The following TAP2 variants were observed in gnomAD, a reference collection of about 807,000 sequenced individuals.
The protein encoded by TAP2 is antigen peptide transporter 2.
A neutral mutation model predicts 74.7 loss-of-function variants in TAP2; 49 were observed. That is an observed-to-expected ratio of 0.66 (90% CI 0.52 to 0.83). The LOEUF is 0.83. Ranked by LOEUF, TAP2 falls within the 40% of genes least tolerant of loss-of-function variation. The pLI is 0.00. For missense variants in TAP2, 739 were observed against 859.0 expected, an observed-to-expected ratio of 0.86 and a Z score of 1.75; for synonymous variants, 306 against 368.4, an observed-to-expected ratio of 0.83 and a Z score of 1.94.
chr6:32,835,364 G>A lies in TAP2; in HGVS notation c.740-5C>T. 6.2e-7 allele frequency: 1 copy of A among 1,613,068 alleles called. No individual in the cohort carries two copies. Among genetic ancestry groups the A allele is most frequent in the Non-Finnish European group, 8.5e-7 (1 of 1,180,020 alleles). ...TCAGCCGTGAGTTCAGCTCCCCTAA[G>A]AAGGACAGAGCAGGTGAGGAAAAAG... is the stretch of plus-strand genomic sequence containing the variant. On this transcript the variant is annotated splice_region_variant and splice_polypyrimidine_tract_variant and intron_variant, in intron 4 of 11. Coordinates refer to ENST00000374897, the MANE Select transcript of TAP2 (RefSeq NM_001290043.2). The surrounding 1 kb of genome is among the most constrained non-coding windows in gnomAD (Gnocchi z 4.0).
Position 32,828,934 on chromosome 6 carries a change from C to T in TAP2, c.2033G>A (p.Gly678Asp), listed in dbSNP as rs1311013368. The T allele has an allele frequency of 1.3e-6, 2 of 1,546,120 alleles. No individual in the cohort carries two copies. Among genetic ancestry groups the T allele is most frequent in the East Asian group, 4.9e-5 (2 of 40,906 alleles). Residue 678 changes from glycine to aspartate, a missense_variant, in exon 12 of 12, where the codon GGC (glycine) becomes GAC (aspartate). By Grantham distance (94) the Gly-to-Asp change is moderately conservative (BLOSUM62 -1). Transcript: ENST00000374897. ...GAGCTGGGCAAGCTTCTGCAGCTTG[C>T]CCTCCTGGAGCACCAGGATCTGGTG... ...RAHQILVLQE[G>D]KLQKLAQL
chr6:32,833,625 A>C (rs1201196609), intron 5 of TAP2, among the ~76,000 whole-genome samples: 1 of 152,232 alleles, frequency 6.6e-6, no homozygotes, highest in Non-Finnish European at 1.5e-5. Context: ...TATTAAAAAA[A>C]AAGACAACAG....
Position 32,835,417 on chromosome 6 carries a change from G to A in TAP2, c.740-58C>T. 1.3e-6 allele frequency: 2 copies of A among 1,583,742 alleles called. No homozygotes were observed. Among genetic ancestry groups the A allele is most frequent in the Non-Finnish European group, 1.7e-6 (2 of 1,155,462 alleles). On this transcript the variant is annotated intron_variant, in intron 4 of 11. Transcript: ENST00000374897. This position sits in a 1 kb window ranked among gnomAD's most constrained non-coding sequence, Gnocchi z 4.0. ...AACCATGTGTACTGCAGGGCCCCCA[G>A]AAACTCCCTCCTGACCGTTCCCTCT...
At chr6:32,822,334 A>C (rs772736289), downstream of TAP2, 66 of 1,446,134 alleles carry the variant, frequency 4.6e-5, no homozygotes, top group Non-Finnish European at 5.6e-5. Flanking sequence ...AAAAAAAAAC[A>C]AAAAAAACCC....
At position 32,830,093 on chromosome 6, in the gene TAP2, T is replaced by C; in HGVS notation, c.1636-4A>G. The C allele has an allele frequency of 1.2e-6, 2 of 1,612,946 alleles. No homozygotes were observed. The highest frequency in any genetic ancestry group is 1.7e-6 in the Non-Finnish European group (2 of 1,180,010). On this transcript the variant is annotated splice_polypyrimidine_tract_variant and splice_region_variant and intron_variant, in intron 9 of 11. Coordinates refer to ENST00000374897, the MANE Select transcript of TAP2 (RefSeq NM_001290043.2). ...GCTCCTGCCCAACTGAAACCACCTG[T>C]GCAGCAGGGACAGGGGCAGAGGACT...
chr6:32,823,668 TAGTTC>T (rs769873096), downstream of TAP2, among the ~76,000 whole-genome samples: 3 of 152,142 alleles, frequency 2.0e-5, no homozygotes, highest in Non-Finnish European at 4.4e-5. Context: ...TTCATTTATT[TAGTTC>T]AGTTAAGAAG....
Position 32,830,391 on chromosome 6 carries a change from G to T in TAP2, c.1511C>A (p.Pro504His), listed in dbSNP as rs2127354979. The change falls in exon 9 of 12, where the codon CCC (proline) becomes CAC (histidine). Residue 504 changes from proline (P) to histidine (H), a missense_variant. By Grantham distance (77) the Pro-to-His change is moderately conservative. Coordinates refer to ENST00000374897, the MANE Select transcript of TAP2 (RefSeq NM_001290043.2). ...CACTGTGCTCTTCCCAGACCCATTGGGTCCCACCAGCGCCGTCACCTCACC... is the reference window on the plus strand; with the variant it reads ...CACTGTGCTCTTCCCAGACCCATTGTGTCCCACCAGCGCCGTCACCTCACC... ...RPGEVTALVG[P>H]NGSGKSTVAA... 6.2e-7 allele frequency: 1 copy of T among 1,612,918 alleles called. No homozygotes were observed. The highest frequency in any genetic ancestry group is 8.5e-7 in the Non-Finnish European group (1 of 1,180,022).
chr6:32,835,472 T>C lies in TAP2; in HGVS notation c.740-113A>G. 6.9e-7 allele frequency: 1 copy of C among 1,444,846 alleles called. No homozygotes were observed. Among genetic ancestry groups the C allele is most frequent in the Non-Finnish European group, 9.6e-7 (1 of 1,042,076 alleles). 89.5% of individuals were successfully genotyped at this position (1,444,846 alleles called of 1,614,324 possible). On this transcript the variant is annotated intron_variant, in intron 4 of 11. Coordinates refer to ENST00000374897, the MANE Select transcript of TAP2 (RefSeq NM_001290043.2). The surrounding 1 kb of genome is among the most constrained non-coding windows in gnomAD (Gnocchi z 4.0). ...CAGCCCCCTCCTCTGAACATCCTCCTTCACTTGCAGAGGGACAGTGGAGGC... is the reference window on the plus strand; with the variant it reads ...CAGCCCCCTCCTCTGAACATCCTCCCTCACTTGCAGAGGGACAGTGGAGGC...
chr6:32,828,481 C>T lies in TAP2; in HGVS notation c.*425G>A. The T allele has an allele frequency of 1.0e-6, 1 of 976,610 alleles. No homozygotes were observed. Among genetic ancestry groups the T allele is most frequent in the Non-Finnish European group, 1.2e-6 (1 of 821,712 alleles). The allele number at this position is 976,610 out of a possible 1,614,324, so 60.5% of individuals were successfully genotyped here. A position where few individuals can be genotyped will look rare whatever the true frequency, so the allele number is the denominator to read the frequency against. On this transcript the variant is annotated 3_prime_UTR_variant, in exon 12 of 12. Coordinates refer to ENST00000374897, the MANE Select transcript of TAP2 (RefSeq NM_001290043.2). ...AGCAAAATAGCAACTATGGTTATCT[C>T]CAGGAAGTGAAACAATGGGTACTTT...
intron 10 of TAP2, 81 bp from the exon 11 acceptor site, chr6:32,829,617 A>G: frequency 6.3e-7 from 1 of 1,599,468 alleles, no homozygotes; most frequent in Non-Finnish European, 8.5e-7. Flanking sequence ...CACAGCAGGT[A>G]CTTCCAGTAG....
chr6:32,832,878 C>A lies in TAP2; in HGVS notation c.946-54G>T. 6.3e-7 allele frequency: 1 copy of A among 1,587,534 alleles called. No individual in the cohort carries two copies. Among genetic ancestry groups the A allele is most frequent in the Non-Finnish European group, 8.6e-7 (1 of 1,164,072 alleles). On this transcript the variant is annotated intron_variant, in intron 5 of 11. Coordinates refer to ENST00000374897, the MANE Select transcript of TAP2 (RefSeq NM_001290043.2). This position sits in a 1 kb window ranked among gnomAD's most constrained non-coding sequence, Gnocchi z 5.9. ...GCTGATGTGCAAAGACAGCAGGCCC[C>A]CACATCTTACTCCAGCCAGTGAGAT...
In TAP2 at chr6:32,830,343, T is replaced by C. The variant is rs1436824141; in HGVS notation, c.1559A>G (p.Tyr520Cys). Reference protein sequence around the residue: ...STVAALLQNLYQPTGGQVLLD... With the variant: ...STVAALLQNLCQPTGGQVLLD... The stretch of plus-strand genomic sequence containing the variant: ...CAGCACCTGTCCCCCTGTGGGCTGG[T>C]ACAGATTCTGCAGCAGGGCAGCCAC... The change falls in exon 9 of 12, where the codon TAC becomes TGC. Residue 520 changes from tyrosine to cysteine, a missense_variant. Tyr to Cys is a radical substitution (Grantham distance 194, BLOSUM62 -2). Transcript: ENST00000374897. 2.5e-6 allele frequency: 4 copies of C among 1,613,074 alleles called. No homozygotes were observed. Among genetic ancestry groups the C allele is most frequent in the East Asian group, 2.2e-5 (1 of 44,882 alleles).
downstream of TAP2, among the ~76,000 whole-genome samples, chr6:32,825,126 T>TTATATATATATATA (rs28381588): frequency 0.054 from 7,506 of 140,292 alleles, 333 homozygotes; most frequent in Non-Finnish European, 0.08. Flanking sequence ...TGTCTGTTGG[T>TTATATATATATATA]TATATACATA....
chr6:32,822,322 G>GAAA (rs61021012), downstream of TAP2: 37 of 1,326,688 alleles, frequency 2.8e-5, no homozygotes, highest in East Asian at 7.2e-4. Flanking sequence ...GGGTTTTCTA[G>GAAA]AAAAAAAAAA....
At chr6:32,836,365 A>C (rs1187846991) in intron 3 of TAP2, among the ~76,000 whole-genome samples, 1 of 152,240 alleles carries the variant, frequency 6.6e-6, no homozygotes, top group Non-Finnish European at 1.5e-5. Flanking sequence ...AAAAAATATA[A>C]AGCATAAAAG....
chr6:32,837,445 G>T, intron 3 of TAP2, 92 bp downstream of exon 3: 3 of 1,017,980 alleles, frequency 2.9e-6, no homozygotes, highest in Non-Finnish European at 4.6e-6. Flanking sequence ...TTTGTGTTTT[G>T]CGCCTGAAAG....
In TAP2 at chr6:32,835,847, G is replaced by A. The variant is rs1769386497; in HGVS notation, c.609-74C>T. The A allele has an allele frequency of 4.4e-6, 7 of 1,604,554 alleles. No homozygotes were observed. The East Asian group carries it at 1.6e-4, about 36-fold the overall frequency. The stretch of plus-strand genomic sequence containing the variant: ...GCCAGCGGGTGAAACAGAGGAGCAA[G>A]CCAGGAGTGCAGAGAAGCGCAAAGT... On this transcript the variant is annotated intron_variant, in intron 3 of 11. Transcript: ENST00000374897. The surrounding 1 kb of genome is among the most constrained non-coding windows in gnomAD (Gnocchi z 4.0).
Position 32,837,754 on chromosome 6 carries a change from G to C in TAP2, c.480C>G (p.Val160=). The C allele has an allele frequency of 1.2e-6, 2 of 1,614,130 alleles. No individual in the cohort carries two copies. Among genetic ancestry groups the C allele is most frequent in the Non-Finnish European group, 1.7e-6 (2 of 1,180,012 alleles). ...CTCCTGACTCACCCAAAACAGCAAG[G>C]ACAAGGAAGAAGAAGGCGGCAACGA... is the stretch of plus-strand genomic sequence containing the variant. ...PLLVAAFFFL[V]LAVLGETLIP... Residue 160 remains valine (V), a synonymous_variant, in exon 2 of 12, where the codon GTC becomes GTG. Transcript: ENST00000374897.
downstream of TAP2, among the ~76,000 whole-genome samples, chr6:32,825,011 G>T (rs565830237): frequency 8.6e-5 from 13 of 151,508 alleles, 1 homozygote; most frequent in South Asian, 2.5e-3. Context: ...ATCCTTCTGG[G>T]TTTAGTATCT....
Sources: allele counts gnomAD v4.1 joint callset (sites outside exome capture counted in the v4.1 genomes callset), GRCh38; gene constraint gnomAD v4.1.1; non-coding constraint Gnocchi (gnomAD v3.1); transcripts MANE v1.5; gene names NCBI Gene and HGNC (gene_info 2026-07-23, HGNC 2026-07-21).